Variants in KIAA2012 observed in about 807,000 individuals in gnomAD.
The protein encoded by KIAA2012 is uncharacterized protein KIAA2012.
In KIAA2012, 125 loss-of-function variants were observed where a neutral mutation model predicts 150.6. The observed-to-expected ratio is 0.83, with a 90% CI of 0.72 to 0.96. KIAA2012 has a LOEUF of 0.96. Among genes scored for constraint, KIAA2012 ranks in the 40% least tolerant of loss-of-function variants. KIAA2012 has a pLI of 0.00. For missense variants in KIAA2012, 1,219 were observed against 1,354.9 expected, an observed-to-expected ratio of 0.90 and a Z score of 1.57; for synonymous variants, 462 against 504.7, an observed-to-expected ratio of 0.92 and a Z score of 1.13.
chr2:202,111,509 CAAAAAAAAAAAAAAAA>C (rs71025277), intron 10 of KIAA2012, among the ~76,000 whole-genome samples: 3 of 57,628 alleles, frequency 5.2e-5, no homozygotes, highest in Non-Finnish European at 8.7e-5. Context: ...GACTCTGTCT[CAAAAAAAAAAAAAAAA>C]AAAAAAAAAA....
intron 12 of KIAA2012, among the ~76,000 whole-genome samples, chr2:202,131,871 A>T (rs183030080): frequency 1.4e-4 from 22 of 152,234 alleles, no homozygotes; most frequent in African/African-American, 5.3e-4. Context: ...CAGATCATAA[A>T]GGGCCATAGA....
chr2:202,076,071 A>C (rs1319252496), intron 2 of KIAA2012, among the ~76,000 whole-genome samples: 1 of 152,210 alleles, frequency 6.6e-6, no homozygotes, highest in African/African-American at 2.4e-5. Flanking sequence ...ACACCTCTAC[A>C]GCTGGCAAGC....
chr2:202,184,383 CAAA>C (rs5837809), intron 15 of KIAA2012, among the ~76,000 whole-genome samples: 9 of 119,204 alleles, frequency 7.6e-5, no homozygotes, highest in East Asian at 2.3e-4. Context: ...GACTCCGTCT[CAAA>C]AAAAAAAAAA....
In KIAA2012 at chr2:202,190,194, G is replaced by A; in HGVS notation, c.2512G>A (p.Ala838Thr). 6.6e-7 allele frequency: 1 copy of A among 1,520,236 alleles called. No homozygotes were observed. The highest frequency in any genetic ancestry group is 8.8e-7 in the Non-Finnish European group (1 of 1,139,518). The allele number at this position is 1,520,236 out of a possible 1,614,324, so 94.2% of individuals were successfully genotyped here. A position where few individuals can be genotyped will look rare whatever the true frequency, so the allele number is the denominator to read the frequency against. ...CCCAGGAAAGTCAAAGGACTCAAAGGCTAAAAAAAAATTAGAAAAAAAAAC... is the reference window on the plus strand; with the variant it reads ...CCCAGGAAAGTCAAAGGACTCAAAGACTAAAAAAAAATTAGAAAAAAAAAC... ...AAIGKSKDSK[A>T]KKKLEKKTRP... The change falls in exon 19 of 24, where the codon GCT (alanine) becomes ACT (threonine). Residue 838 changes from alanine to threonine, a missense_variant. Physicochemically the swap from Ala to Thr is moderately conservative, Grantham distance 58. Coordinates refer to ENST00000498697, the MANE Select transcript of KIAA2012 (RefSeq NM_001277372.4).
At chr2:202,132,429 G>A (rs895885198) in intron 12 of KIAA2012, among the ~76,000 whole-genome samples, 5 of 151,856 alleles carry the variant, frequency 3.3e-5, no homozygotes, top group Non-Finnish European at 5.9e-5. Flanking sequence ...CACTTTGGGA[G>A]GCCGAGGCAG....
rs1559231823 is a variant in KIAA2012, at chr2:202,184,741, C to G, written c.2120-12C>G. 1 of 1,519,438 alleles carries G rather than the reference C, an allele frequency of 6.6e-7. No individual in the cohort carries two copies. The highest frequency in any genetic ancestry group is 8.8e-7 in the Non-Finnish European group (1 of 1,135,886). The allele number at this position is 1,519,438 out of a possible 1,614,324, so 94.1% of individuals were successfully genotyped here. ...CTGTTGTCCTTTATTGATTGATACT[C>G]TGTTTTCACAGACCCAGAGCCAAGG... On this transcript the variant is annotated splice_polypyrimidine_tract_variant and intron_variant, in intron 15 of 23. Coordinates refer to ENST00000498697, the MANE Select transcript of KIAA2012 (RefSeq NM_001277372.4).
intron 9 of KIAA2012, 27 bp downstream of exon 9, chr2:202,105,937 C>G (rs1191413402): frequency 6.4e-7 from 1 of 1,550,828 alleles, no homozygotes; most frequent in Non-Finnish European, 8.7e-7. Flanking sequence ...TCCAGCATCC[C>G]TCGGGAACCT....
chr2:202,199,699 A>C (rs1367774506), intron 22 of KIAA2012, among the ~76,000 whole-genome samples: 2 of 152,178 alleles, frequency 1.3e-5, no homozygotes, highest in Admixed American at 6.5e-5. Flanking sequence ...AAATATTCTT[A>C]ACCCTAATGA....
At chr2:202,132,787 CGT>C (rs1491423088) in intron 12 of KIAA2012, among the ~76,000 whole-genome samples, 1 of 118,904 alleles carries the variant, frequency 8.4e-6, no homozygotes, top group Non-Finnish European at 1.7e-5. Context: ...TATATATATG[CGT>C]ATATATATAT....
At chr2:202,147,551 C>G (rs1037068284) in intron 13 of KIAA2012, among the ~76,000 whole-genome samples, 1 of 152,210 alleles carries the variant, frequency 6.6e-6, no homozygotes, top group African/African-American at 2.4e-5. Flanking sequence ...CTTCTTCCAG[C>G]CTTCTGCTGT....
chr2:202,119,025 G>T (rs1056521918), intron 11 of KIAA2012, among the ~76,000 whole-genome samples: 17 of 152,202 alleles, frequency 1.1e-4, no homozygotes, highest in African/African-American at 3.6e-4. Flanking sequence ...GGCCAGGCGC[G>T]ATGGCTCATG....
intron 11 of KIAA2012, 41 bp from the exon 12 acceptor site, chr2:202,125,173 C>G: frequency 6.7e-7 from 1 of 1,487,228 alleles, no homozygotes; most frequent in East Asian, 2.5e-5. Context: ...TTTTACAAGA[C>G]TTTTTCCCGC....
chr2:202,178,377 G>A (rs532772228), intron 15 of KIAA2012, among the ~76,000 whole-genome samples: 10 of 152,036 alleles, frequency 6.6e-5, no homozygotes, highest in Admixed American at 6.6e-4. Context: ...CACTGACTTC[G>A]TTTGTTCCAA....
At chr2:202,201,971 T>A (rs1692539269) in intron 22 of KIAA2012, 14 of 662,624 alleles carry the variant, frequency 2.1e-5, no homozygotes, top group Non-Finnish European at 3.8e-5. Flanking sequence ...TCATGTCACG[T>A]GACAGTCCAT....
intron 15 of KIAA2012, among the ~76,000 whole-genome samples, chr2:202,176,826 T>C (rs1399476149): frequency 6.6e-6 from 1 of 152,098 alleles, no homozygotes; most frequent in Non-Finnish European, 1.5e-5. Flanking sequence ...CCAGCAAAAG[T>C]TTAAAAGTCT....
Position 202,195,732 on chromosome 2 carries a change from T to G in KIAA2012, c.3188-1068T>G, listed in dbSNP as rs1003876012. Among the ~76,000 whole-genome samples, 3 of 152,108 alleles carry G rather than the reference T, an allele frequency of 2.0e-5. 1 individual carries two copies. The highest frequency in any genetic ancestry group is 7.2e-5 in the African/African-American group (3 of 41,404). ...AGTAACCACTATTCTATTCTCTATTTCCATGAGATCAATGTTTTTCGCTTT... is the reference window on the plus strand; with the variant it reads ...AGTAACCACTATTCTATTCTCTATTGCCATGAGATCAATGTTTTTCGCTTT... On this transcript the variant is annotated intron_variant, in intron 21 of 23. Transcript: ENST00000498697.
At chr2:202,085,797 C>T (rs2105912036) in intron 2 of KIAA2012, among the ~76,000 whole-genome samples, 1 of 152,232 alleles carries the variant, frequency 6.6e-6, no homozygotes, top group Non-Finnish European at 1.5e-5. Context: ...TCTAGGATTC[C>T]CTAACTCTTC....
chr2:202,122,087 A>C (rs565158774), intron 11 of KIAA2012, among the ~76,000 whole-genome samples: 1 of 152,318 alleles, frequency 6.6e-6, no homozygotes, highest in South Asian at 2.1e-4. Flanking sequence ...GAGGGGCTTC[A>C]TGCTGGGGGT....
At position 202,173,125 on chromosome 2, in the gene KIAA2012, G is replaced by A. The variant is rs368228830; in HGVS notation, c.2119+7769G>A. On this transcript the variant is annotated intron_variant, in intron 15 of 23. Transcript: ENST00000498697. Reference sequence around the variant, plus strand: ...AGCCCAGACTGGGGAAGTCCCCCGGGAAGTCCCCCAGAGTCCCAGAGAACA... The same window carrying A: ...AGCCCAGACTGGGGAAGTCCCCCGGAAAGTCCCCCAGAGTCCCAGAGAACA... Among the ~76,000 whole-genome samples the A allele has an allele frequency of 2.1e-4, 32 of 152,334 alleles. No individual in the cohort carries two copies. In the East Asian group the frequency reaches 4.8e-3, roughly 23 times the overall value.
Sources: gnomAD v4.1 joint callset for allele counts (sites outside exome capture counted in the v4.1 genomes callset) on GRCh38, gnomAD v4.1.1 for gene constraint, MANE v1.5 for transcripts, NCBI Gene and HGNC (gene_info 2026-07-23, HGNC 2026-07-21) for gene names.